The following MARCHF8 variants were observed in gnomAD, a reference collection of about 807,000 sequenced individuals.
The protein encoded by MARCHF8 is membrane associated ring-CH-type finger 8.
A neutral mutation model predicts 51.6 loss-of-function variants in MARCHF8; 40 were observed. The ratio of observed to expected loss-of-function variants is 0.77; its 90% CI spans 0.60 to 1.01. The LOEUF (loss-of-function observed/expected upper bound fraction) is 1.01, where lower values mean the gene tolerates loss of function less well. Among genes scored for constraint, MARCHF8 ranks in the 50% least tolerant of loss-of-function variants. MARCHF8 has a pLI of 0.00. For missense variants in MARCHF8, 685 were observed against 708.6 expected, an observed-to-expected ratio of 0.97 and a Z score of 0.38; for synonymous variants, 263 against 280.3, an observed-to-expected ratio of 0.94 and a Z score of 0.62.
intron 2 of MARCHF8, among the ~76,000 whole-genome samples, chr10:45,532,266 A>G (rs923073445): frequency 1.3e-5 from 2 of 152,242 alleles, no homozygotes; most frequent in African/African-American, 4.8e-5. Context: ...AACCACCTAC[A>G]GTAAACCTGC....
chr10:45,593,639 A>C (rs571496491), intron 1 of MARCHF8: 1 of 152,346 alleles, frequency 6.6e-6, no homozygotes, highest in East Asian at 1.9e-4. Flanking sequence ...ATCAGCAATG[A>C]GGAATGAAGT....
At position 45,459,175 on chromosome 10, in the gene MARCHF8, G is replaced by C. The variant is rs1842706597; in HGVS notation, c.1362C>G (p.Ser454=). The C allele has an allele frequency of 6.2e-7, 1 of 1,614,022 alleles. No homozygotes were observed. Among genetic ancestry groups the C allele is most frequent in the Non-Finnish European group, 8.5e-7 (1 of 1,180,020 alleles). Residue 454 remains serine, a synonymous_variant, in exon 7 of 8, where the codon TCC becomes TCG. Transcript: ENST00000453424. Reference sequence around the variant, plus strand: ...CAGTACGGTCAATGAGCACATACAAGGACCAGACCACACATGTGATGGCAA... The same window carrying C: ...CAGTACGGTCAATGAGCACATACAACGACCAGACCACACATGTGATGGCAA... ...HVIAITCVVW[S]LYVLIDRTAE... is the part of the protein sequence containing the mutation.
intron 3 of MARCHF8, among the ~76,000 whole-genome samples, chr10:45,486,575 A>G (rs1041110603): frequency 6.6e-6 from 1 of 152,104 alleles, no homozygotes; most frequent in Non-Finnish European, 1.5e-5. Context: ...AAAAAAATGT[A>G]TGCAAGAAGG....
At chr10:45,498,198 C>A (rs2043209459) in intron 2 of MARCHF8, among the ~76,000 whole-genome samples, 1 of 152,172 alleles carries the variant, frequency 6.6e-6, no homozygotes, top group Non-Finnish European at 1.5e-5. Flanking sequence ...ACCATCTTAA[C>A]CATTTTAAGT....
intron 2 of MARCHF8, among the ~76,000 whole-genome samples, chr10:45,513,188 C>G (rs1405592840): frequency 1.3e-5 from 2 of 151,236 alleles, no homozygotes; most frequent in East Asian, 3.9e-4. Context: ...CCTGCCAACT[C>G]CCCCTCTGCG....
intron 1 of MARCHF8, among the ~76,000 whole-genome samples, chr10:45,579,491 G>A (rs78661209): frequency 0.033 from 4,751 of 146,134 alleles, 120 homozygotes; most frequent in Non-Finnish European, 0.041. Flanking sequence ...AAAAGGACAT[G>A]TACAGCCAAC....
chr10:45,580,130 G>A (rs1589193348), intron 1 of MARCHF8, among the ~76,000 whole-genome samples: 1 of 150,042 alleles, frequency 6.7e-6, no homozygotes, highest in South Asian at 2.1e-4. Flanking sequence ...AACTATAATA[G>A]CAAAATTCTT....
intron 3 of MARCHF8, among the ~76,000 whole-genome samples, chr10:45,482,102 T>C (rs2042897946): frequency 6.6e-6 from 1 of 152,146 alleles, no homozygotes; most frequent in South Asian, 2.1e-4. Flanking sequence ...GAAATAAATT[T>C]AATCAAAGAG....
chr10:45,455,633 T>C lies in MARCHF8; in HGVS notation c.*2606A>G, dbSNP rs3740109. 0.087 allele frequency: 13,263 copies of C among 152,236 alleles called. 747 individuals are homozygous for C. Among genetic ancestry groups the C allele is most frequent in the African/African-American group, 0.15 (6,270 of 41,480 alleles). The allele number at this position is 152,236 out of a possible 1,614,324, so 9.4% of individuals were successfully genotyped here. ...AAGGCTACAGGAACATTGGCAGAGC[T>C]GGTGGCCACACCAGATGGGAGTACC... On this transcript the variant is annotated 3_prime_UTR_variant, in exon 8 of 8. Coordinates refer to ENST00000453424, the MANE Select transcript of MARCHF8 (RefSeq NM_001282866.2).
At chr10:45,465,240 T>C (rs1312505774) in intron 3 of MARCHF8, among the ~76,000 whole-genome samples, 1 of 152,158 alleles carries the variant, frequency 6.6e-6, no homozygotes, top group Non-Finnish European at 1.5e-5. Flanking sequence ...TAAAAAAGCA[T>C]TCTTCCCTCC....
At chr10:45,519,681 A>G (rs1274548825) in intron 2 of MARCHF8, among the ~76,000 whole-genome samples, 1 of 152,218 alleles carries the variant, frequency 6.6e-6, no homozygotes, top group Non-Finnish European at 1.5e-5. Context: ...CAACCATTTA[A>G]AAATGTAAAA....
intron 3 of MARCHF8, among the ~76,000 whole-genome samples, chr10:45,466,672 G>C (rs1232500984): frequency 6.6e-6 from 1 of 152,162 alleles, no homozygotes; most frequent in Non-Finnish European, 1.5e-5. Flanking sequence ...CCTGTATTCT[G>C]AAGGGAAGGC....
intron 3 of MARCHF8, among the ~76,000 whole-genome samples, chr10:45,487,095 GCCA>G (rs1429605971): frequency 6.6e-6 from 1 of 151,450 alleles, no homozygotes; most frequent in African/African-American, 2.4e-5. Flanking sequence ...ACAGGTGTGA[GCCA>G]CCACGCCTGG....
At chr10:45,498,554 C>T (rs1000999416) in intron 2 of MARCHF8, among the ~76,000 whole-genome samples, 1 of 151,976 alleles carries the variant, frequency 6.6e-6, no homozygotes, top group Non-Finnish European at 1.5e-5. Flanking sequence ...CGGCTCACTG[C>T]AACCTCTACC....
intron 2 of MARCHF8, among the ~76,000 whole-genome samples, chr10:45,532,169 C>T (rs1166923042): frequency 1.3e-5 from 2 of 152,102 alleles, no homozygotes; most frequent in Non-Finnish European, 2.9e-5. Context: ...AATAAAAATC[C>T]CCATTCTACA....
chr10:45,594,284 C>G (rs1164191161), exon 1 of MARCHF8: 1 of 152,276 alleles, frequency 6.6e-6, no homozygotes, highest in Admixed American at 6.5e-5. Flanking sequence ...CTCGAGATCA[C>G]ACGTCAGACG....
At chr10:45,570,957 T>C (rs1176545690) in intron 1 of MARCHF8, among the ~76,000 whole-genome samples, 6 of 151,804 alleles carry the variant, frequency 4.0e-5, no homozygotes, top group Non-Finnish European at 7.3e-5. Flanking sequence ...ATATATACCA[T>C]GTTTGTAATT....
At position 45,463,242 on chromosome 10, in the gene MARCHF8, T is replaced by C. The variant is rs1564463799; in HGVS notation, c.997A>G (p.Thr333Ala). Residue 333 changes from threonine (T) to alanine (A), a missense_variant, in exon 5 of 8, where the codon ACG (threonine) becomes GCG (alanine). By Grantham distance (58) the Thr-to-Ala change is moderately conservative. Transcript: ENST00000453424. ...SRVLRAPLCS[T>A]EKDSDLDCPS... ...CAATCCAGGTCGCTGTCCTTTTCCG[T>C]GGAGCAGAGGGGCGCCCGCAGAACC... is the stretch of plus-strand genomic sequence containing the variant. 2 of 1,550,718 alleles carry C rather than the reference T, an allele frequency of 1.3e-6. No homozygotes were observed. The highest frequency in any genetic ancestry group is 8.7e-7 in the Non-Finnish European group (1 of 1,147,070).
chr10:45,588,900 A>C (rs989697652), intron 1 of MARCHF8, among the ~76,000 whole-genome samples: 5 of 146,918 alleles, frequency 3.4e-5, no homozygotes, highest in African/African-American at 1.3e-4. Context: ...CAGGAGGCTG[A>C]GGCAGGGAGA....
Sources: gnomAD v4.1 joint callset for allele counts (sites outside exome capture counted in the v4.1 genomes callset) on GRCh38, gnomAD v4.1.1 for gene constraint, MANE v1.5 for transcripts, NCBI Gene and HGNC (gene_info 2026-07-23, HGNC 2026-07-21) for gene names.